LOXHD1: variants seen among roughly 807,000 people sequenced by gnomAD.
The protein encoded by LOXHD1 is lipoxygenase homology domain-containing protein 1.
In LOXHD1, 205 loss-of-function variants were observed where a neutral mutation model predicts 248.2. The ratio of observed to expected loss-of-function variants is 0.83; its 90% CI spans 0.74 to 0.93. LOXHD1 has a LOEUF of 0.93. LOXHD1 is among the 40% of genes least tolerant of loss of function. The probability of loss-of-function intolerance (pLI) is 0.00; values close to 1 mark genes in which losing one functional copy is unlikely to be tolerated. For synonymous variants in LOXHD1, 1,113 were observed against 1,162.8 expected (o/e 0.96, Z 0.87); for missense variants, 2,930 against 2,971.6 (o/e 0.99, Z 0.33).
intron 12 of LOXHD1, 30 bp downstream of exon 12, chr18:46,591,903 T>C: frequency 6.4e-7 from 1 of 1,551,184 alleles, no homozygotes; most frequent in South Asian, 1.2e-5. Flanking sequence ...TTCCACTGCC[T>C]CCCAGGATGG....
At chr18:46,551,636 G>A (rs941189595) in intron 21 of LOXHD1, among the ~76,000 whole-genome samples, 1 of 152,018 alleles carries the variant, frequency 6.6e-6, no homozygotes, top group Non-Finnish European at 1.5e-5. Context: ...AGTGGCCAAG[G>A]AGCAGGGCCT....
At chr18:46,614,152 A>G (rs1208759224) in intron 5 of LOXHD1, among the ~76,000 whole-genome samples, 1 of 152,222 alleles carries the variant, frequency 6.6e-6, no homozygotes, top group East Asian at 1.9e-4. Context: ...ATTGTGGAAG[A>G]CAGGGTGGCA....
chr18:46,519,690 C>T (rs947252672), intron 33 of LOXHD1, among the ~76,000 whole-genome samples: 1 of 152,168 alleles, frequency 6.6e-6, no homozygotes, highest in Non-Finnish European at 1.5e-5. Flanking sequence ...GCTTCAGCTG[C>T]CCCATGGAGA....
At chr18:46,648,639 AT>A (rs2039065148) in intron 2 of LOXHD1, among the ~76,000 whole-genome samples, 1 of 152,208 alleles carries the variant, frequency 6.6e-6, no homozygotes, top group African/African-American at 2.4e-5. Context: ...ACTAGTTATA[AT>A]AAAAAAGAGC....
At chr18:46,512,988 G>T (rs2144011477) in intron 34 of LOXHD1, among the ~76,000 whole-genome samples, 1 of 152,234 alleles carries the variant, frequency 6.6e-6, no homozygotes, top group Non-Finnish European at 1.5e-5. Flanking sequence ...AAATCCAGGT[G>T]ATATAAAAGC....
At position 46,542,731 on chromosome 18, in the gene LOXHD1, G is replaced by C; in HGVS notation, c.3744C>G (p.Asn1248Lys). 6.4e-7 allele frequency: 1 copy of C among 1,551,666 alleles called. No homozygotes were observed. Reference sequence around the variant, plus strand: ...CAGAGGGGAGGGAAGCCACACCTGTGTTGTCATGGCCAAGCCGGACTTTCC... The same window carrying C: ...CAGAGGGGAGGGAAGCCACACCTGTCTTGTCATGGCCAAGCCGGACTTTCC... Reference protein sequence around the residue: ...DLWKVRLGHDNTGKAPGWFVD... With the variant: ...DLWKVRLGHDKTGKAPGWFVD... Residue 1248 changes from asparagine to lysine, a missense_variant, in exon 24 of 41, where the codon AAC becomes AAG. Asn to Lys is a moderately conservative substitution (Grantham distance 94, BLOSUM62 0). Coordinates refer to ENST00000642948, the MANE Select transcript of LOXHD1 (RefSeq NM_001384474.1).
At chr18:46,491,344 T>C (rs1173554065) in intron 37 of LOXHD1, among the ~76,000 whole-genome samples, 3 of 152,232 alleles carry the variant, frequency 2.0e-5, no homozygotes, top group Non-Finnish European at 2.9e-5. Flanking sequence ...CCTGGAGGGT[T>C]TGTTAAACTA....
intron 37 of LOXHD1, among the ~76,000 whole-genome samples, chr18:46,496,716 A>C (rs1429570081): frequency 2.0e-5 from 3 of 152,184 alleles, no homozygotes; most frequent in Non-Finnish European, 4.4e-5. Context: ...ATAAGGATAC[A>C]GAATGGCCAG....
At chr18:46,601,561 A>T (rs2038340805) in intron 7 of LOXHD1, 94 bp from the exon 8 acceptor site, 7 of 1,507,872 alleles carry the variant, frequency 4.6e-6, no homozygotes, top group Non-Finnish European at 6.3e-6. Flanking sequence ...ACACCCCCAA[A>T]GCCCTCCTCC....
rs777861997 is a variant in LOXHD1 at position 46,654,083 on chromosome 18, G to A, written c.130+2821C>T. Among the ~76,000 whole-genome samples, 5 of 152,264 alleles carry A rather than the reference G, an allele frequency of 3.3e-5. No homozygotes were observed. In the East Asian group the frequency reaches 5.8e-4, roughly 18 times the overall value. On this transcript the variant is annotated intron_variant, in intron 1 of 40. Transcript: ENST00000642948. The stretch of plus-strand genomic sequence containing the variant: ...ATTAGGCCATGAGAGCTTCCCCCTC[G>A]TGAAAGGGATTGGGTGCCGTTATAA...
chr18:46,567,170 T>A (rs1394488250), intron 16 of LOXHD1, among the ~76,000 whole-genome samples: 1 of 152,272 alleles, frequency 6.6e-6, no homozygotes, highest in Non-Finnish European at 1.5e-5. Context: ...TGTTTTTTCT[T>A]TTTGAAATGC....
intron 11 of LOXHD1, 27 bp from the exon 12 acceptor site, chr18:46,592,095 G>T: frequency 3.2e-6 from 5 of 1,552,198 alleles, no homozygotes; most frequent in Non-Finnish European, 3.5e-6. Flanking sequence ...GGGTGAGCAA[G>T]TTGGTGCACC....
chr18:46,501,962 G>A (rs772301122), intron 37 of LOXHD1, among the ~76,000 whole-genome samples: 1 of 152,182 alleles, frequency 6.6e-6, no homozygotes, highest in Non-Finnish European at 1.5e-5. Flanking sequence ...GTGATTACAT[G>A]ACTTTTTCAT....
intron 1 of LOXHD1, among the ~76,000 whole-genome samples, chr18:46,655,160 G>T (rs1023951630): frequency 1.3e-5 from 2 of 152,178 alleles, no homozygotes; most frequent in Non-Finnish European, 2.9e-5. Context: ...GATGAAATGG[G>T]GCGCTTGCCT....
At chr18:46,551,009 T>C (rs554212881) in intron 21 of LOXHD1, among the ~76,000 whole-genome samples, 2 of 152,146 alleles carry the variant, frequency 1.3e-5, no homozygotes, top group Non-Finnish European at 2.9e-5. Context: ...ATAATATCAA[T>C]AGAATTGAAA....
intron 15 of LOXHD1, 62 bp from the exon 16 acceptor site, chr18:46,569,700 G>A: frequency 1.4e-6 from 2 of 1,396,316 alleles, no homozygotes; most frequent in African/African-American, 1.4e-5. Context: ...ACAGGAAGCA[G>A]GGTGCGTGTA....
chr18:46,581,393 C>T (rs775740395), intron 12 of LOXHD1, among the ~76,000 whole-genome samples: 6 of 151,864 alleles, frequency 4.0e-5, no homozygotes, highest in African/African-American at 7.3e-5. Flanking sequence ...ATAGAGTTGC[C>T]AATAAGGAGT....
rs148602301 is a variant in LOXHD1 at position 46,549,240 on chromosome 18, G to C, written c.3351-2182C>G. Among the ~76,000 whole-genome samples, 10 of 152,304 alleles carry C rather than the reference G, an allele frequency of 6.6e-5. No homozygotes were observed. The East Asian group carries it at 1.3e-3, about 21-fold the overall frequency. ...TAAGCTCACCACACTCCTAAACAAGGATGATGGAAGGAAAGAGTAAGGGCT... is the reference window on the plus strand; with the variant it reads ...TAAGCTCACCACACTCCTAAACAAGCATGATGGAAGGAAAGAGTAAGGGCT... On this transcript the variant is annotated intron_variant, in intron 21 of 40. Coordinates refer to ENST00000642948, the MANE Select transcript of LOXHD1 (RefSeq NM_001384474.1).
intron 4 of LOXHD1, among the ~76,000 whole-genome samples, chr18:46,630,123 T>A (rs9952085): frequency 6.6e-6 from 1 of 152,128 alleles, no homozygotes; most frequent in African/African-American, 2.4e-5. Context: ...GACTGGGCCC[T>A]CTGAATGCAA....
Sources: gnomAD v4.1 joint callset for allele counts (sites outside exome capture counted in the v4.1 genomes callset) on GRCh38, gnomAD v4.1.1 for gene constraint, MANE v1.5 for transcripts, NCBI Gene and HGNC (gene_info 2026-07-23, HGNC 2026-07-21) for gene names.